MSMO1: variants seen among roughly 807,000 people sequenced by gnomAD.
MSMO1 encodes the protein C-4 methylsterol oxidase.
In MSMO1, 18 loss-of-function variants were observed where a neutral mutation model predicts 30.4. That is an observed-to-expected ratio of 0.59 (90% confidence interval 0.41 to 0.88). The LOEUF (loss-of-function observed/expected upper bound fraction) is 0.88, where lower values mean the gene tolerates loss of function less well. MSMO1 is among the 40% of genes least tolerant of loss of function. MSMO1 has a pLI of 0.00. For missense variants in MSMO1, 284 were observed against 340.5 expected (o/e 0.83, Z 1.31); for synonymous variants, 84 against 107.9 (o/e 0.78, Z 1.37).
At chr4:165,340,179 C>T (rs1206938321) in intron 4 of MSMO1, 42 bp from the exon 5 acceptor site, 1 of 1,591,328 alleles carries the variant, frequency 6.3e-7, no homozygotes, top group Non-Finnish European at 8.6e-7. Context: ...TTGACCATCA[C>T]AATAGCTAAG....
At chr4:165,338,362 A>C (rs1055702466) in intron 3 of MSMO1, among the ~76,000 whole-genome samples, 6 of 151,314 alleles carry the variant, frequency 4.0e-5, no homozygotes, top group Admixed American at 3.3e-4. Context: ...ACATATATAT[A>C]CTCATGCGTC....
rs1442268938 is a variant in MSMO1 at position 165,343,028 on chromosome 4, A to G, written c.*1082A>G. On this transcript the variant is annotated 3_prime_UTR_variant, in exon 6 of 6. Transcript: ENST00000261507. Reference sequence around the variant, plus strand: ...GAAACTTTGTGAACTGACTTGCTGTATTTGCACTTTGAGCTCTTGAAATAA... The same window carrying G: ...GAAACTTTGTGAACTGACTTGCTGTGTTTGCACTTTGAGCTCTTGAAATAA... 6.6e-6 allele frequency: 1 copy of G among 152,578 alleles called. No individual in the cohort carries two copies. The highest frequency in any genetic ancestry group is 1.5e-5 in the Non-Finnish European group (1 of 68,020). 9.5% of individuals were successfully genotyped at this position (152,578 alleles called of 1,614,324 possible).
rs745379926 is a variant in MSMO1, at chr4:165,337,926, A to T, written c.393A>T (p.Arg131Ser). ...EYFNIPYDWE[R>S]MPRWYFLLAR... is the part of the protein sequence containing the mutation. ...TCAATATTCCTTATGATTGGGAAAG[A>T]ATGCCAAGATGGTACGTAGATAAAA... Residue 131 changes from arginine to serine, a missense_variant, in exon 3 of 6, where the codon AGA (arginine) becomes AGT (serine). By Grantham distance (110) the Arg-to-Ser change is moderately radical (BLOSUM62 -1). Coordinates refer to ENST00000261507, the MANE Select transcript of MSMO1 (RefSeq NM_006745.5). 3.1e-6 allele frequency: 5 copies of T among 1,613,420 alleles called. No homozygotes were observed. The highest frequency in any genetic ancestry group is 4.2e-6 in the Non-Finnish European group (5 of 1,179,662).
chr4:165,335,557 G>T (rs1277096927), intron 2 of MSMO1, among the ~76,000 whole-genome samples: 1 of 152,142 alleles, frequency 6.6e-6, no homozygotes, highest in South Asian at 2.1e-4. Flanking sequence ...TATTTATAGG[G>T]CTTATTCATT....
At chr4:165,330,404 G>A (rs1747357779) in intron 1 of MSMO1, among the ~76,000 whole-genome samples, 1 of 152,210 alleles carries the variant, frequency 6.6e-6, no homozygotes, top group African/African-American at 2.4e-5. Flanking sequence ...GCCAGGTCCT[G>A]TGCTAACTAA....
At chr4:165,332,157 T>C (rs1447129346) in intron 1 of MSMO1, among the ~76,000 whole-genome samples, 1 of 152,176 alleles carries the variant, frequency 6.6e-6, no homozygotes, top group Non-Finnish European at 1.5e-5. Context: ...ATATGTACAT[T>C]TTTTGTTTCT....
At chr4:165,331,207 G>A (rs897432001) in intron 1 of MSMO1, among the ~76,000 whole-genome samples, 2 of 152,062 alleles carry the variant, frequency 1.3e-5, no homozygotes, top group African/African-American at 4.8e-5. Context: ...GAGGGGCTGA[G>A]GTGGGAGGAT....
At chr4:165,334,227 G>A (rs1262911481) in intron 2 of MSMO1, among the ~76,000 whole-genome samples, 1 of 152,192 alleles carries the variant, frequency 6.6e-6, no homozygotes, top group East Asian at 1.9e-4. Flanking sequence ...GACTAGCCAT[G>A]TTTAAAGTGT....
At chr4:165,335,053 G>T (rs148648471) in intron 2 of MSMO1, among the ~76,000 whole-genome samples, 1 of 152,142 alleles carries the variant, frequency 6.6e-6, no homozygotes, top group Non-Finnish European at 1.5e-5. Flanking sequence ...CTGTAGAGAT[G>T]ATTTAAAGTA....
chr4:165,331,529 G>A (rs545692798), intron 1 of MSMO1, among the ~76,000 whole-genome samples: 1 of 152,222 alleles, frequency 6.6e-6, no homozygotes, highest in Admixed American at 6.5e-5. Context: ...TAGTCACTGT[G>A]GTGTAAGTCA....
Position 165,337,833 on chromosome 4 carries a change from T to A in MSMO1, c.300T>A (p.Val100=). The A allele has an allele frequency of 6.2e-7, 1 of 1,613,644 alleles. No homozygotes were observed. The highest frequency in any genetic ancestry group is 8.5e-7 in the Non-Finnish European group (1 of 1,179,718). Reference sequence around the variant, plus strand: ...AAAACCAATGGAAGTGTTTCAAAGTTCTTCTCTTTAATCACTTCTGTATCC... The same window carrying A: ...AAAACCAATGGAAGTGTTTCAAAGTACTTCTCTTTAATCACTTCTGTATCC... ...TWENQWKCFK[V]LLFNHFCIQL... is the part of the protein sequence containing the mutation. Residue 100 remains valine, a synonymous_variant, in exon 3 of 6, where the codon GTT becomes GTA. Coordinates refer to ENST00000261507, the MANE Select transcript of MSMO1 (RefSeq NM_006745.5).
chr4:165,340,429 AT>A (rs1747685633), intron 5 of MSMO1, 54 bp downstream of exon 5: 1 of 1,438,494 alleles, frequency 7.0e-7, no homozygotes, highest in Non-Finnish European at 9.8e-7. Context: ...ATTTATTTTC[AT>A]GGCCATAAGA....
chr4:165,334,311 G>T (rs1747482428), intron 2 of MSMO1, among the ~76,000 whole-genome samples: 1 of 152,186 alleles, frequency 6.6e-6, no homozygotes, highest in African/African-American at 2.4e-5. Flanking sequence ...AACATTTCAA[G>T]AATACTTTGT....
intron 4 of MSMO1, among the ~76,000 whole-genome samples, chr4:165,339,820 A>C (rs1350390328): frequency 1.3e-5 from 2 of 152,202 alleles, no homozygotes; most frequent in Admixed American, 1.3e-4. Flanking sequence ...AGCTCATGCA[A>C]GTGTGCGGCT....
At chr4:165,341,253 G>A (rs999449799) in intron 5 of MSMO1, among the ~76,000 whole-genome samples, 2 of 152,034 alleles carry the variant, frequency 1.3e-5, no homozygotes, top group Admixed American at 6.6e-5. Context: ...GATTAATTGT[G>A]GTACATTTGA....
intron 1 of MSMO1, among the ~76,000 whole-genome samples, chr4:165,331,273 C>A (rs150961714): frequency 0.014 from 2,035 of 149,882 alleles, 45 homozygotes; most frequent in African/African-American, 0.048. Flanking sequence ...CACTGCACTC[C>A]AGCTTGGGTG....
At chr4:165,337,711 A>T (rs1747597895) in intron 2 of MSMO1, 78 bp from the exon 3 acceptor site, 5 of 1,446,236 alleles carry the variant, frequency 3.5e-6, no homozygotes, top group Non-Finnish European at 4.9e-6. Context: ...AAGGTCCAAC[A>T]TAAACAGAGA....
Position 165,339,499 on chromosome 4 carries a change from T to C in MSMO1, c.531+721T>C, listed in dbSNP as rs182387161. On this transcript the variant is annotated intron_variant, in intron 4 of 5. Transcript: ENST00000261507. ...TGGTGTGCCAAATCAAGCCTCTCTT[T>C]ATTAGAAGAACAAATATAAATACTT... Among the ~76,000 whole-genome samples, 17 of 152,316 alleles carry C rather than the reference T, an allele frequency of 1.1e-4. No homozygotes were observed. The East Asian group carries it at 3.1e-3, about 28-fold the overall frequency.
Position 165,336,850 on chromosome 4 carries a change from C to G in MSMO1, c.256-939C>G, listed in dbSNP as rs191363597. Among the ~76,000 whole-genome samples the G allele has an allele frequency of 3.4e-3, 512 of 152,304 alleles. 3 individuals carry two copies. Among genetic ancestry groups the G allele is most frequent in the Admixed American group, 5.8e-3 (88 of 15,296 alleles). ...CAGGAAGATAACCCTTAAAGAATTT[C>G]AAGAACAGAGCTGGATCTGGAGACC... On this transcript the variant is annotated intron_variant, in intron 2 of 5. Coordinates refer to ENST00000261507, the MANE Select transcript of MSMO1 (RefSeq NM_006745.5).
Sources: allele counts gnomAD v4.1 joint callset (sites outside exome capture counted in the v4.1 genomes callset), GRCh38; gene constraint gnomAD v4.1.1; transcripts MANE v1.5; gene names NCBI Gene and HGNC (gene_info 2026-07-23, HGNC 2026-07-21).